Variants in IKBKB observed in about 807,000 individuals in gnomAD.
IKBKB encodes the protein inhibitor of nuclear factor kappa B kinase subunit beta, also known as inhibitor of nuclear factor kappa-B kinase subunit beta.
A neutral mutation model predicts 113.6 loss-of-function variants in IKBKB; 42 were observed. The observed-to-expected ratio is 0.37, with a 90% CI of 0.29 to 0.48. The LOEUF is 0.48. Among genes scored for constraint, IKBKB ranks in the 20% least tolerant of loss-of-function variants. The pLI is 0.99. For missense variants in IKBKB, 673 were observed against 939.7 expected (o/e 0.72, Z 3.71); for synonymous variants, 296 against 361.3 (o/e 0.82, Z 2.05).
At chr8:42,272,284 G>C (rs1196981973) in intron 2 of IKBKB, 79 bp downstream of exon 2, 1 of 1,593,030 alleles carries the variant, frequency 6.3e-7, no homozygotes, top group South Asian at 1.1e-5. Flanking sequence ...TGATCCTGCT[G>C]GGCCAAGGGC....
chr8:42,309,049 A>G (rs1371963871), intron 8 of IKBKB, 24 bp downstream of exon 8: 1 of 1,609,044 alleles, frequency 6.2e-7, no homozygotes, highest in Admixed American at 1.7e-5. Context: ...GGGCACCTGG[A>G]TGGAGGAGGG....
chr8:42,281,880 C>G (rs1306466225), intron 2 of IKBKB, among the ~76,000 whole-genome samples: 1 of 152,160 alleles, frequency 6.6e-6, no homozygotes, highest in Non-Finnish European at 1.5e-5. Context: ...GGCTCTTGGC[C>G]TCTGTGAGTT....
intron 1 of IKBKB, 39 bp from the exon 2 acceptor site, chr8:42,272,044 T>G (rs1444667021): frequency 5.1e-6 from 8 of 1,574,044 alleles, no homozygotes; most frequent in Non-Finnish European, 6.9e-6. Flanking sequence ...ATTTTTTTCT[T>G]AATCCTAACC....
intron 2 of IKBKB, among the ~76,000 whole-genome samples, chr8:42,276,468 C>G (rs1218688301): frequency 6.6e-6 from 1 of 152,138 alleles, no homozygotes; most frequent in African/African-American, 2.4e-5. Flanking sequence ...GTTTGAGTTC[C>G]TTGCATATTC....
chr8:42,301,363 A>G (rs75230171), intron 5 of IKBKB, among the ~76,000 whole-genome samples: 5,319 of 152,282 alleles, frequency 0.035, 103 homozygotes, highest in Non-Finnish European at 0.042. Flanking sequence ...CTTCATCTCA[A>G]TGTCTCATTT....
intron 17 of IKBKB, 30 bp from the exon 18 acceptor site, chr8:42,322,024 G>A: frequency 6.2e-7 from 1 of 1,609,658 alleles, no homozygotes; most frequent in Non-Finnish European, 8.5e-7. Flanking sequence ...TGGCTTCCTT[G>A]AGGAACTATG....
At chr8:42,303,135 GA>G (rs1815746946) in intron 5 of IKBKB, among the ~76,000 whole-genome samples, 1 of 147,924 alleles carries the variant, frequency 6.8e-6, no homozygotes, top group Non-Finnish European at 1.5e-5. Flanking sequence ...GAGAGAGAGA[GA>G]GGAGAGAGAA....
At chr8:42,322,016 G>C in intron 17 of IKBKB, 38 bp from the exon 18 acceptor site, 1 of 1,607,266 alleles carries the variant, frequency 6.2e-7, no homozygotes, top group Non-Finnish European at 8.5e-7. Flanking sequence ...CTCTCTGCTG[G>C]CTTCCTTGAG....
chr8:42,280,033 A>C (rs1171721764), intron 2 of IKBKB, among the ~76,000 whole-genome samples: 2 of 151,916 alleles, frequency 1.3e-5, no homozygotes, highest in African/African-American at 4.8e-5. Flanking sequence ...ATTTTTGTAG[A>C]GATGAGGTCT....
chr8:42,273,264 A>G (rs1808208026), intron 2 of IKBKB, among the ~76,000 whole-genome samples: 1 of 151,800 alleles, frequency 6.6e-6, no homozygotes, highest in Non-Finnish European at 1.5e-5. Flanking sequence ...TAAAAATACA[A>G]AATTAGCTGG....
intron 16 of IKBKB, 135 bp downstream of exon 16, chr8:42,320,979 C>G: frequency 1.9e-6 from 1 of 525,052 alleles, no homozygotes; most frequent in Non-Finnish European, 3.3e-6. Flanking sequence ...GGGGTCACTT[C>G]CAGCAAATCA....
chr8:42,271,444 C>CCCCTGCCCCGCGT lies in IKBKB; in HGVS notation c.-36_-24dup, dbSNP rs1205895511. 1 of 1,427,506 alleles carries CCCCTGCCCCGCGT rather than the reference C, an allele frequency of 7.0e-7. No individual in the cohort carries two copies. Among genetic ancestry groups the CCCCTGCCCCGCGT allele is most frequent in the Non-Finnish European group, 9.5e-7 (1 of 1,052,718 alleles). 88.4% of individuals were successfully genotyped at this position (1,427,506 alleles called of 1,614,324 possible). ...GCCTTCCCCGCCCCGGGGAGCCCGCCCCCTGCCCCGCGTCCCTGCCGACAG... is the reference window on the plus strand; with the variant it reads ...GCCTTCCCCGCCCCGGGGAGCCCGCCCCCTGCCCCGCGTCCCTGCCCCGCGTCCCTGCCGACAG... On this transcript the variant is annotated 5_prime_UTR_variant, in exon 1 of 22. The change abolishes the stop of an existing upstream ORF in the 5' untranslated region. Coordinates refer to ENST00000520810, the MANE Select transcript of IKBKB (RefSeq NM_001556.3).
intron 8 of IKBKB, among the ~76,000 whole-genome samples, chr8:42,312,178 G>A (rs193014637): frequency 5.4e-4 from 82 of 152,342 alleles, no homozygotes; most frequent in African/African-American, 1.8e-3. Flanking sequence ...GAGCCACCGC[G>A]CCCGGCTGTA....
chr8:42,329,724 G>A lies in IKBKB; in HGVS notation c.2205+510G>A, dbSNP rs566238027. 1.4e-5 allele frequency: 14 copies of A among 985,420 alleles called. No individual in the cohort carries two copies. The African/African-American group carries it at 2.1e-4, about 15-fold the overall frequency. The allele number at this position is 985,420 out of a possible 1,614,324, so 61.0% of individuals were successfully genotyped here. A position where few individuals can be genotyped will look rare whatever the true frequency, so the allele number is the denominator to read the frequency against. On this transcript the variant is annotated intron_variant, in intron 21 of 21. Coordinates refer to ENST00000520810, the MANE Select transcript of IKBKB (RefSeq NM_001556.3). Reference sequence around the variant, plus strand: ...TTGTGTGTTGAGTGCTGGGCTGGGAGCAGGAACCAGCCATGGCCTTGTCCT... The same window carrying A: ...TTGTGTGTTGAGTGCTGGGCTGGGAACAGGAACCAGCCATGGCCTTGTCCT...
intron 5 of IKBKB, among the ~76,000 whole-genome samples, chr8:42,298,900 C>T (rs1352998058): frequency 1.3e-5 from 2 of 152,188 alleles, no homozygotes; most frequent in African/African-American, 4.8e-5. Flanking sequence ...TGTCTCATCT[C>T]CACTGCCTGC....
At chr8:42,275,269 C>T (rs1808845613) in intron 2 of IKBKB, among the ~76,000 whole-genome samples, 1 of 151,778 alleles carries the variant, frequency 6.6e-6, no homozygotes, top group African/African-American at 2.4e-5. Flanking sequence ...CTCACTGTAG[C>T]CTTGACCTCC....
chr8:42,322,005 ACT>A (rs748271417), intron 17 of IKBKB, 47 bp from the exon 18 acceptor site: 5 of 1,604,880 alleles, frequency 3.1e-6, no homozygotes, highest in East Asian at 2.2e-5. Context: ...GGGCATCACT[ACT>A]CTCTGCTGGC....
intron 7 of IKBKB, among the ~76,000 whole-genome samples, chr8:42,307,837 G>C (rs557180696): frequency 6.6e-6 from 1 of 152,118 alleles, no homozygotes. Flanking sequence ...TACCCATCCC[G>C]GAATGTCTTC....
At chr8:42,325,638 A>G (rs1273477990) in intron 19 of IKBKB, 7 of 1,048,866 alleles carry the variant, frequency 6.7e-6, no homozygotes, top group South Asian at 3.0e-5. Flanking sequence ...AAGATCGCAC[A>G]TCGCACTTCA....
Sources: allele counts gnomAD v4.1 joint callset (sites outside exome capture counted in the v4.1 genomes callset), GRCh38; gene constraint gnomAD v4.1.1; transcripts MANE v1.5; gene names NCBI Gene and HGNC (gene_info 2026-07-23, HGNC 2026-07-21).